Variants in TBC1D32 observed in about 807,000 individuals in gnomAD.
TBC1D32 encodes the protein protein broad-minded.
In TBC1D32, 151 loss-of-function variants were observed where a neutral mutation model predicts 170.3. The observed-to-expected ratio is 0.89, with a 90% confidence interval of 0.78 to 1.01. TBC1D32 has a LOEUF of 1.01. TBC1D32 is among the 50% of genes least tolerant of loss of function. The pLI is 0.00. For synonymous variants in TBC1D32, 498 were observed against 488.0 expected (o/e 1.02, Z -0.27); for missense variants, 1,464 against 1,457.1 (o/e 1.00, Z -0.08).
In TBC1D32 at chr6:121,287,145, C is replaced by T. The variant is rs576476248; in HGVS notation, c.1373-3235G>A. Among the ~76,000 whole-genome samples, 3 of 152,230 alleles carry T rather than the reference C, an allele frequency of 2.0e-5. No homozygotes were observed. The East Asian group carries it at 5.8e-4, about 29-fold the overall frequency. Reference sequence around the variant, plus strand: ...TCATAATGACAGGATCAAATTCACACATAACAATATTAACCTTAAATGTAA... The same window carrying T: ...TCATAATGACAGGATCAAATTCACATATAACAATATTAACCTTAAATGTAA... On this transcript the variant is annotated intron_variant, in intron 12 of 31. Coordinates refer to ENST00000398212, the MANE Select transcript of TBC1D32 (RefSeq NM_152730.6).
chr6:121,330,337 A>C, intron 1 of TBC1D32, among the ~76,000 whole-genome samples: 1 of 152,144 alleles, frequency 6.6e-6, no homozygotes, highest in East Asian at 1.9e-4. Flanking sequence ...CCCAGCCCCG[A>C]GGGAATATTT....
intron 19 of TBC1D32, 93 bp downstream of exon 19, chr6:121,241,372 T>G (rs1291380342): frequency 2.9e-6 from 3 of 1,038,320 alleles, no homozygotes; most frequent in Non-Finnish European, 2.9e-6. Flanking sequence ...AGAGTAAATA[T>G]CCTGATACTT....
At chr6:121,154,294 C>CTTCT (rs1476527298) in intron 24 of TBC1D32, among the ~76,000 whole-genome samples, 1 of 152,112 alleles carries the variant, frequency 6.6e-6, no homozygotes, top group Non-Finnish European at 1.5e-5. Context: ...AGCTACCCTG[C>CTTCT]TTCTGTTCAC....
chr6:121,255,286 A>T (rs757157963), intron 17 of TBC1D32, 42 bp downstream of exon 17: 6 of 1,208,920 alleles, frequency 5.0e-6, no homozygotes, highest in African/African-American at 1.6e-5. Context: ...AATTTATTTC[A>T]GCAAATATAA....
intron 21 of TBC1D32, among the ~76,000 whole-genome samples, chr6:121,213,504 TAA>T (rs1199210099): frequency 0.014 from 144 of 10,120 alleles, 1 homozygote; most frequent in African/African-American, 0.018. Flanking sequence ...TAAAATAAAA[TAA>T]AATAAAATAA....
At chr6:121,281,414 C>A (rs1802959961) in intron 14 of TBC1D32, 130 bp downstream of exon 14, 2 of 576,396 alleles carry the variant, frequency 3.5e-6, no homozygotes, top group Non-Finnish European at 5.7e-6. Flanking sequence ...AAATATATAT[C>A]AACACAAAAT....
intron 12 of TBC1D32, among the ~76,000 whole-genome samples, chr6:121,290,382 A>C (rs952176563): frequency 1.1e-4 from 16 of 152,210 alleles, no homozygotes; most frequent in African/African-American, 1.7e-4. Flanking sequence ...TTATGCAGCC[A>C]AAAGACACAT....
At chr6:121,161,495 C>T (rs1785654179) in intron 22 of TBC1D32, among the ~76,000 whole-genome samples, 2 of 152,132 alleles carry the variant, frequency 1.3e-5, no homozygotes, top group African/African-American at 4.8e-5. Flanking sequence ...GGATAATGGC[C>T]TCCAGCTCCA....
chr6:121,156,686 G>T (rs1161404787), intron 24 of TBC1D32, among the ~76,000 whole-genome samples: 4 of 151,994 alleles, frequency 2.6e-5, no homozygotes, highest in African/African-American at 9.7e-5. Flanking sequence ...AAATTTAGCT[G>T]CATCCCAAAG....
At chr6:121,321,838 C>T (rs1490877988) in intron 1 of TBC1D32, 44 bp from the exon 2 acceptor site, 9 of 1,498,346 alleles carry the variant, frequency 6.0e-6, no homozygotes, top group Non-Finnish European at 8.1e-6. Context: ...ATATCATAAG[C>T]ATATTCAGAA....
At chr6:121,267,313 G>A (rs1271140123) in intron 15 of TBC1D32, among the ~76,000 whole-genome samples, 1 of 152,150 alleles carries the variant, frequency 6.6e-6, no homozygotes, top group Non-Finnish European at 1.5e-5. Flanking sequence ...CCGAAGCAGG[G>A]CGGGGCATCG....
At chr6:121,216,684 CA>C (rs1373701733) in intron 21 of TBC1D32, among the ~76,000 whole-genome samples, 2 of 152,040 alleles carry the variant, frequency 1.3e-5, no homozygotes, top group Non-Finnish European at 2.9e-5. Context: ...TGTGGAAAAC[CA>C]AGGAACATAA....
rs2128479943 is a variant in TBC1D32, at chr6:121,304,580, G to A, written c.815C>T (p.Pro272Leu). 6.2e-7 allele frequency: 1 copy of A among 1,611,732 alleles called. No individual in the cohort carries two copies. The highest frequency in any genetic ancestry group is 8.5e-7 in the Non-Finnish European group (1 of 1,178,842). ...TATATCTACACCAGCTGAAAGAGTAGGAATATGATTTTCCCTAGAAAGAAA... is the reference window on the plus strand; with the variant it reads ...TATATCTACACCAGCTGAAAGAGTAAGAATATGATTTTCCCTAGAAAGAAA... ...SYFLSRENHIPTLSAGVDITN... is the reference protein window; with the variant it reads ...SYFLSRENHILTLSAGVDITN... The change falls in exon 7 of 32, where the codon CCT becomes CTT. Residue 272 changes from proline (P) to leucine (L), a missense_variant. Physicochemically the swap from Pro to Leu is moderately conservative, Grantham distance 98. Transcript: ENST00000398212.
chr6:121,209,140 T>TAA (rs10605770), intron 21 of TBC1D32, among the ~76,000 whole-genome samples: 2 of 149,378 alleles, frequency 1.3e-5, no homozygotes, highest in Admixed American at 1.3e-4. Context: ...CAGCTCTTCT[T>TAA]AAAAAAAAAA....
chr6:121,154,989 T>C (rs1169481633), intron 24 of TBC1D32, among the ~76,000 whole-genome samples: 1 of 152,186 alleles, frequency 6.6e-6, no homozygotes, highest in Non-Finnish European at 1.5e-5. Context: ...TTCCAGCTCT[T>C]TTTTGGTTCC....
At chr6:121,226,449 G>C (rs149043012) in intron 20 of TBC1D32, among the ~76,000 whole-genome samples, 56 of 152,126 alleles carry the variant, frequency 3.7e-4, no homozygotes, top group African/African-American at 1.3e-3. Flanking sequence ...GAAAGAAAAG[G>C]GCAAAGTGTT....
intron 17 of TBC1D32, among the ~76,000 whole-genome samples, chr6:121,252,419 G>A (rs1798421261): frequency 6.6e-6 from 1 of 152,148 alleles, no homozygotes; most frequent in Non-Finnish European, 1.5e-5. Context: ...GTCCTTCGCA[G>A]GGAGATGGAT....
At chr6:121,318,415 T>C (rs1260255756) in intron 2 of TBC1D32, among the ~76,000 whole-genome samples, 3 of 152,062 alleles carry the variant, frequency 2.0e-5, no homozygotes, top group Admixed American at 2.0e-4. Flanking sequence ...GAACTAAGAA[T>C]AGAATTTTAG....
intron 30 of TBC1D32, among the ~76,000 whole-genome samples, chr6:121,101,063 A>T (rs1253625589): frequency 6.6e-6 from 1 of 152,166 alleles, no homozygotes; most frequent in East Asian, 1.9e-4. Context: ...TGAATCGACC[A>T]ATAACGGGCT....
Sources: gnomAD v4.1 joint callset for allele counts (sites outside exome capture counted in the v4.1 genomes callset) on GRCh38, gnomAD v4.1.1 for gene constraint, MANE v1.5 for transcripts, NCBI Gene and HGNC (gene_info 2026-07-23, HGNC 2026-07-21) for gene names.